Variants in SCAPER observed in about 807,000 individuals in gnomAD.
SCAPER encodes S-phase cyclin A associated protein in the ER.
A neutral mutation model predicts 182.2 loss-of-function variants in SCAPER; 98 were observed. That is an observed-to-expected ratio of 0.54 (90% CI 0.46 to 0.64). The LOEUF (loss-of-function observed/expected upper bound fraction) is 0.64, where lower values mean the gene tolerates loss of function less well. SCAPER is among the 30% of genes least tolerant of loss of function. SCAPER has a pLI of 0.00. For missense variants in SCAPER, 1,432 were observed against 1,690.0 expected (o/e 0.85, Z 2.68); for synonymous variants, 605 against 564.6 (o/e 1.07, Z -1.01).
chr15:76,654,522 A>T (rs1265335069), intron 21 of SCAPER, among the ~76,000 whole-genome samples: 1 of 152,200 alleles, frequency 6.6e-6, no homozygotes, highest in Non-Finnish European at 1.5e-5. Flanking sequence ...TTACAAAGGG[A>T]ATGTAAATTA....
At chr15:76,535,233 T>C (rs1816144803) in intron 23 of SCAPER, among the ~76,000 whole-genome samples, 1 of 151,982 alleles carries the variant, frequency 6.6e-6, no homozygotes, top group Non-Finnish European at 1.5e-5. Context: ...TATAAGAAAT[T>C]CTAATTTTGG....
intron 20 of SCAPER, among the ~76,000 whole-genome samples, chr15:76,671,764 C>T (rs1377921294): frequency 6.7e-6 from 1 of 149,722 alleles, no homozygotes; most frequent in Non-Finnish European, 1.5e-5. Flanking sequence ...AGCGAGACTC[C>T]GTTTAAAAAA....
intron 31 of SCAPER, chr15:76,350,575 A>T (rs143170127): frequency 5.9e-5 from 9 of 152,198 alleles, no homozygotes; most frequent in African/African-American, 1.9e-4. Context: ...CATAACACCC[A>T]AAGAGCAACT....
At chr15:76,515,404 G>A (rs143444868) in intron 23 of SCAPER, among the ~76,000 whole-genome samples, 86 of 152,316 alleles carry the variant, frequency 5.6e-4, no homozygotes, top group African/African-American at 1.9e-3. Context: ...GTTCATTACT[G>A]CAACTATGGT....
At chr15:76,466,341 G>A (rs1428932077) in intron 25 of SCAPER, among the ~76,000 whole-genome samples, 2 of 147,452 alleles carry the variant, frequency 1.4e-5, no homozygotes, top group Admixed American at 1.4e-4. Flanking sequence ...CTGCTTGACT[G>A]AGTCTGCTGT....
Position 76,597,427 on chromosome 15 carries a change from T to A in SCAPER, c.2712-23143A>T, listed in dbSNP as rs1282501426. ...GTATCCCCATCAACCTACCATTGAC[T>A]TTCTTCACAGAATTAGAAAAAACTA... is the stretch of plus-strand genomic sequence containing the variant. On this transcript the variant is annotated intron_variant, in intron 22 of 31. Coordinates refer to ENST00000563290, the MANE Select transcript of SCAPER (RefSeq NM_020843.4). 2.1e-4 allele frequency among the ~76,000 whole-genome samples: 26 copies of A among 121,992 alleles called. 9 individuals carry two copies. In the Admixed American group the frequency reaches 2.4e-3, roughly 11 times the overall value. 80.0% of individuals were successfully genotyped at this position (121,992 alleles called of 152,430 possible).
chr15:76,434,035 T>C, intron 26 of SCAPER, 43 bp downstream of exon 26: 1 of 1,509,382 alleles, frequency 6.6e-7, no homozygotes, highest in African/African-American at 1.4e-5. Flanking sequence ...TTAATATAGT[T>C]TCTTAACAAA....
intron 22 of SCAPER, among the ~76,000 whole-genome samples, chr15:76,586,292 C>T (rs981874247): frequency 6.6e-6 from 1 of 152,058 alleles, no homozygotes; most frequent in African/African-American, 2.4e-5. Flanking sequence ...GATAGGAAGA[C>T]ATAAATTAAT....
In SCAPER at chr15:76,388,227, TGAA is replaced by T. The variant is rs1396585869; in HGVS notation, c.3468-6615_3468-6613del. ...AAGGACACAAAGGCTGTCTTCAAAC[TGAA>T]GAAGTATTTATTTATGACCCCACGG... On this transcript the variant is annotated intron_variant, in intron 27 of 31. Coordinates refer to ENST00000563290, the MANE Select transcript of SCAPER (RefSeq NM_020843.4). 2.0e-5 allele frequency among the ~76,000 whole-genome samples: 3 copies of T among 152,334 alleles called. No homozygotes were observed. The East Asian group carries it at 5.8e-4, about 29-fold the overall frequency.
intron 20 of SCAPER, among the ~76,000 whole-genome samples, chr15:76,676,016 G>A (rs1386665988): frequency 1.3e-5 from 2 of 152,108 alleles, no homozygotes; most frequent in South Asian, 2.1e-4. Flanking sequence ...GTAGAGATGG[G>A]GTTTTGCCAT....
chr15:76,635,887 C>T (rs1254714900), intron 21 of SCAPER, among the ~76,000 whole-genome samples: 2 of 152,032 alleles, frequency 1.3e-5, no homozygotes, highest in East Asian at 3.9e-4. Flanking sequence ...TGTCAACTAC[C>T]CCTGAATTCT....
At chr15:76,819,844 C>T (rs572845290) in intron 5 of SCAPER, among the ~76,000 whole-genome samples, 33 of 152,258 alleles carry the variant, frequency 2.2e-4, no homozygotes, top group African/African-American at 6.5e-4. Context: ...AGCTACTCAT[C>T]TGACAAAGAG....
chr15:76,585,817 A>C (rs1224529853), intron 22 of SCAPER, among the ~76,000 whole-genome samples: 7 of 152,220 alleles, frequency 4.6e-5, no homozygotes, highest in Non-Finnish European at 8.8e-5. Context: ...AATTCATACT[A>C]TAAATAATTA....
intron 26 of SCAPER, among the ~76,000 whole-genome samples, chr15:76,429,951 C>A (rs1281623958): frequency 1.3e-5 from 2 of 152,170 alleles, no homozygotes; most frequent in Non-Finnish European, 2.9e-5. Context: ...TTTAGTGGGG[C>A]AGGCTCAGGG....
rs371879882 is a variant in SCAPER at position 76,899,801 on chromosome 15, C to T, written c.-60+5498G>A. Among the ~76,000 whole-genome samples the T allele has an allele frequency of 3.3e-4, 51 of 152,370 alleles. No individual in the cohort carries two copies. The East Asian group carries it at 5.8e-3, about 17-fold the overall frequency. The stretch of plus-strand genomic sequence containing the variant: ...CCCGTCTGGGAAGTGAGGAGCACCT[C>T]TGCCCGGCCGCCCCGTCTGGGAAGT... On this transcript the variant is annotated intron_variant, in intron 1 of 31. Transcript: ENST00000563290.
At chr15:76,793,295 A>C (rs1054099442) in intron 8 of SCAPER, 10 of 800,924 alleles carry the variant, frequency 1.2e-5, no homozygotes, top group African/African-American at 5.1e-5. Context: ...CAACTCCTAA[A>C]ATCTTTGGAA....
At chr15:76,786,551 A>C (rs1015918879) in intron 8 of SCAPER, among the ~76,000 whole-genome samples, 1 of 152,156 alleles carries the variant, frequency 6.6e-6, no homozygotes, top group Non-Finnish European at 1.5e-5. Flanking sequence ...TAGTGGTGCA[A>C]AACTGCTTTC....
intron 22 of SCAPER, among the ~76,000 whole-genome samples, chr15:76,616,379 A>G (rs1052937589): frequency 2.8e-4 from 42 of 152,170 alleles, no homozygotes; most frequent in Non-Finnish European, 4.9e-4. Context: ...AAAAAGACAA[A>G]TACTGTATAT....
intron 21 of SCAPER, among the ~76,000 whole-genome samples, chr15:76,630,332 T>C (rs1265651921): frequency 2.0e-5 from 3 of 152,188 alleles, no homozygotes; most frequent in Admixed American, 2.0e-4. Flanking sequence ...ATTTCTTTTC[T>C]TCTCCTAGCT....
Sources: gnomAD v4.1 joint callset for allele counts (sites outside exome capture counted in the v4.1 genomes callset) on GRCh38, gnomAD v4.1.1 for gene constraint, MANE v1.5 for transcripts, NCBI Gene and HGNC (gene_info 2026-07-23, HGNC 2026-07-21) for gene names.